The following ARFIP1 variants were observed in gnomAD, a reference collection of about 807,000 sequenced individuals.
The protein encoded by ARFIP1 is arfaptin-1.
ARFIP1 carries 24 observed loss-of-function variants against 42.5 expected under a neutral mutation model. That is an observed-to-expected ratio of 0.57 (90% CI 0.41 to 0.80). The LOEUF is 0.80. ARFIP1 is among the 30% of genes least tolerant of loss of function. The probability of loss-of-function intolerance (pLI) is 0.00; values close to 1 mark genes in which losing one functional copy is unlikely to be tolerated. For synonymous variants in ARFIP1, 141 were observed against 153.7 expected (o/e 0.92, Z 0.61); for missense variants, 354 against 434.0 (o/e 0.82, Z 1.64).
intron 2 of ARFIP1, among the ~76,000 whole-genome samples, chr4:152,836,763 T>C (rs6834545): frequency 1.2e-3 from 189 of 152,324 alleles, no homozygotes; most frequent in African/African-American, 4.3e-3. Context: ...ATTTTAACTT[T>C]AGAATAAAAA....
intron 8 of ARFIP1, among the ~76,000 whole-genome samples, chr4:152,900,293 C>T (rs1487502965): frequency 1.3e-5 from 2 of 152,074 alleles, no homozygotes; most frequent in Non-Finnish European, 2.9e-5. Context: ...TGTAATTATT[C>T]GATAAAGAAT....
chr4:152,808,690 A>G (rs1402367469), intron 1 of ARFIP1, among the ~76,000 whole-genome samples: 4 of 152,020 alleles, frequency 2.6e-5, no homozygotes. Context: ...TGGGTGTATA[A>G]TGGTATCTGG....
intron 5 of ARFIP1, among the ~76,000 whole-genome samples, chr4:152,875,605 C>G (rs1203811376): frequency 6.6e-6 from 1 of 152,006 alleles, no homozygotes; most frequent in Non-Finnish European, 1.5e-5. Context: ...TTCCCCTGTT[C>G]ATTTTCCTTT....
rs905423722 is a variant in ARFIP1 at position 152,806,386 on chromosome 4, G to A, written c.-9-23239G>A. The stretch of plus-strand genomic sequence containing the variant: ...CTTTGTAGGTGGGCACTGTGATCAG[G>A]GTCACACACACCTCCCGCCACCAGA... On this transcript the variant is annotated intron_variant, in intron 1 of 8. Transcript: ENST00000353617. Among the ~76,000 whole-genome samples, 6 of 152,192 alleles carry A rather than the reference G, an allele frequency of 3.9e-5. No homozygotes were observed. In the East Asian group the frequency reaches 1.2e-3, roughly 29 times the overall value.
intron 8 of ARFIP1, among the ~76,000 whole-genome samples, chr4:152,897,480 T>TA (rs1256489732): frequency 6.6e-6 from 1 of 152,220 alleles, no homozygotes; most frequent in Non-Finnish European, 1.5e-5. Flanking sequence ...ATAAGGTACT[T>TA]ACATATTTTC....
At chr4:152,854,966 G>A (rs188228850) in intron 2 of ARFIP1, among the ~76,000 whole-genome samples, 148 of 152,320 alleles carry the variant, frequency 9.7e-4, no homozygotes, top group African/African-American at 3.5e-3. Flanking sequence ...CAGTAGTGGC[G>A]GCAGTGGGCC....
chr4:152,840,701 G>T (rs1021489227), intron 2 of ARFIP1, among the ~76,000 whole-genome samples: 2 of 147,560 alleles, frequency 1.4e-5, no homozygotes, highest in African/African-American at 2.5e-5. Context: ...TATCCATTCT[G>T]TGGCTCTGTA....
intron 2 of ARFIP1, among the ~76,000 whole-genome samples, chr4:152,853,960 G>A (rs1405924348): frequency 7.2e-6 from 1 of 139,200 alleles, no homozygotes; most frequent in African/African-American, 2.8e-5. Context: ...ACCCAGGCTG[G>A]AGTGCAGTGG....
Position 152,882,870 on chromosome 4 carries a change from G to T in ARFIP1, c.781G>T (p.Glu261Ter). The T allele has an allele frequency of 6.2e-7, 1 of 1,606,056 alleles. No homozygotes were observed. The highest frequency in any genetic ancestry group is 8.5e-7 in the Non-Finnish European group (1 of 1,176,984). The stretch of plus-strand genomic sequence containing the variant: ...TACATTAATGACTGTGAAACAGTAT[G>T]AAAGTGCCAGGTAAGGTATACATTT... ...EDTLMTVKQY[E>*]SARIEYDAYR... is the part of the protein sequence containing the mutation. The change falls in exon 7 of 9, where the codon GAA becomes TAA. Residue 261 changes from glutamate (E) to a stop codon, truncating the protein, a stop_gained. Transcript: ENST00000353617. LOFTEE classifies it high-confidence loss of function.
chr4:152,825,869 A>G (rs551568417), intron 1 of ARFIP1, among the ~76,000 whole-genome samples: 1 of 152,336 alleles, frequency 6.6e-6, no homozygotes, highest in Admixed American at 6.5e-5. Context: ...ACATTTCTCA[A>G]AAGAAATACA....
chr4:152,856,224 CTT>C (rs1733423048), intron 2 of ARFIP1, among the ~76,000 whole-genome samples: 1 of 152,192 alleles, frequency 6.6e-6, no homozygotes, highest in Admixed American at 6.5e-5. Context: ...TATTATATCT[CTT>C]TTCCAGAAAT....
chr4:152,847,385 G>A (rs922879996), intron 2 of ARFIP1, among the ~76,000 whole-genome samples: 3 of 151,496 alleles, frequency 2.0e-5, no homozygotes, highest in African/African-American at 7.3e-5. Context: ...CTCCTGCCCT[G>A]GTCCCCCAAA....
At chr4:152,819,830 C>T (rs1039546113) in intron 1 of ARFIP1, among the ~76,000 whole-genome samples, 3 of 152,172 alleles carry the variant, frequency 2.0e-5, no homozygotes, top group African/African-American at 7.2e-5. Flanking sequence ...TTACTTCTCC[C>T]TCTTGCCCAC....
At chr4:152,898,956 G>A (rs1254614293) in intron 8 of ARFIP1, among the ~76,000 whole-genome samples, 1 of 152,102 alleles carries the variant, frequency 6.6e-6, no homozygotes, top group Non-Finnish European at 1.5e-5. Context: ...CCATTGGATG[G>A]GCCATTGGTT....
chr4:152,877,048 G>A (rs929669815), intron 5 of ARFIP1, among the ~76,000 whole-genome samples: 2 of 152,186 alleles, frequency 1.3e-5, no homozygotes, highest in Non-Finnish European at 2.9e-5. Context: ...CTCTGCTAGG[G>A]CAGTACAGAA....
At chr4:152,830,748 A>C (rs1320585227) in intron 2 of ARFIP1, among the ~76,000 whole-genome samples, 1 of 152,206 alleles carries the variant, frequency 6.6e-6, no homozygotes, top group Non-Finnish European at 1.5e-5. Context: ...ACTATTTAAT[A>C]GATGCCAGTA....
At chr4:152,869,066 A>G (rs561025192) in intron 3 of ARFIP1, among the ~76,000 whole-genome samples, 1 of 152,316 alleles carries the variant, frequency 6.6e-6, no homozygotes, top group Non-Finnish European at 1.5e-5. Flanking sequence ...ACAACAATCT[A>G]TTTAGTTTAG....
chr4:152,822,785 A>G (rs923012022), intron 1 of ARFIP1, among the ~76,000 whole-genome samples: 4 of 152,224 alleles, frequency 2.6e-5, no homozygotes, highest in Non-Finnish European at 5.9e-5. Context: ...TAGACATGGA[A>G]ATGAACAATC....
chr4:152,861,435 C>T (rs1332942168), intron 2 of ARFIP1, among the ~76,000 whole-genome samples: 3 of 152,134 alleles, frequency 2.0e-5, no homozygotes, highest in Non-Finnish European at 4.4e-5. Context: ...GTAAGTTCCT[C>T]ATTGAAAACA....
Sources: allele counts gnomAD v4.1 joint callset (sites outside exome capture counted in the v4.1 genomes callset), GRCh38; gene constraint gnomAD v4.1.1; transcripts MANE v1.5; gene names NCBI Gene and HGNC (gene_info 2026-07-23, HGNC 2026-07-21).